Variants in MAP3K15 observed in about 807,000 individuals in gnomAD.
MAP3K15 encodes the protein MAPK/ERK kinase kinase 15.
A neutral mutation model predicts 99.5 loss-of-function variants in MAP3K15; 124 were observed. That is an observed-to-expected ratio of 1.25 (90% CI 1.08 to 1.45). The LOEUF is 1.45. Ranked by LOEUF, MAP3K15 falls within the 40% of genes most tolerant of loss-of-function variation. The pLI is 0.00. For synonymous variants in MAP3K15, 494 were observed against 439.6 expected, an observed-to-expected ratio of 1.12 and a Z score of -1.55; for missense variants, 1,242 against 1,079.7, an observed-to-expected ratio of 1.15 and a Z score of -2.11.
chrX:19,387,426 G>A (rs1014590748), intron 18 of MAP3K15, among the ~76,000 whole-genome samples: 6 of 111,703 alleles, frequency 5.4e-5, no homozygotes, highest in Middle Eastern at 4.6e-3. Context: ...TCATTCTGTC[G>A]CCCAGGCTGG....
In MAP3K15 at chrX:19,477,116, T is replaced by A. The variant is rs773977165; in HGVS notation, c.525+9366A>T. 3.6e-5 allele frequency among the ~76,000 whole-genome samples: 4 copies of A among 111,874 alleles called. No individual in the cohort carries two copies. In the South Asian group the frequency reaches 1.1e-3, roughly 31 times the overall value. On this transcript the variant is annotated intron_variant, in intron 3 of 28. Coordinates refer to ENST00000338883, the MANE Select transcript of MAP3K15 (RefSeq NM_001001671.4). ...TATGGTCTGTGAATTATGTCTCGAT[T>A]TAAAGAAAATAGATGGGTGCCATGG... is the stretch of plus-strand genomic sequence containing the variant.
chrX:19,424,283 CAT>C (rs1246701487), intron 9 of MAP3K15, among the ~76,000 whole-genome samples: 3 of 94,834 alleles, frequency 3.2e-5, no homozygotes, highest in Admixed American at 1.2e-4. Context: ...TATATACACA[CAT>C]ATATATACAC....
chrX:19,457,598 C>G (rs184675496), intron 5 of MAP3K15, among the ~76,000 whole-genome samples: 121 of 111,845 alleles, frequency 1.1e-3, no homozygotes, highest in Non-Finnish European at 2.1e-3. Context: ...GGCAACAGAG[C>G]AAGACTCCGT....
At position 19,515,001 on chromosome X, in the gene MAP3K15, C is replaced by T; in HGVS notation, c.261G>A (p.Leu87=). 1.8e-6 allele frequency: 2 copies of T among 1,109,227 alleles called. No individual in the cohort carries two copies. Among genetic ancestry groups the T allele is most frequent in the Non-Finnish European group, 2.4e-6 (2 of 849,442 alleles). The allele number at this position is 1,109,227 out of a possible 1,213,427, so 91.4% of individuals were successfully genotyped here. A position where few individuals can be genotyped will look rare whatever the true frequency, so the allele number is the denominator to read the frequency against. ...CGCCCTCGGCCTCGCAGGCCCGCAG[C>T]AGGCACTGCCGCGCCCCAGCCTCCG... ...GGPEAGARQC[L]LRACEAEGAH... is the part of the protein sequence containing the mutation. Residue 87 remains leucine, a synonymous_variant, in exon 1 of 29, where the codon CTG becomes CTA. Coordinates refer to ENST00000338883, the MANE Select transcript of MAP3K15 (RefSeq NM_001001671.4).
intron 1 of MAP3K15, among the ~76,000 whole-genome samples, chrX:19,500,566 T>A (rs1335034096): frequency 1.8e-5 from 2 of 110,944 alleles, no homozygotes; most frequent in African/African-American, 6.6e-5. Context: ...AACTCCCTTC[T>A]GCTCCCCAAC....
intron 5 of MAP3K15, among the ~76,000 whole-genome samples, chrX:19,458,059 G>C (rs1350585392): frequency 8.9e-6 from 1 of 112,276 alleles, no homozygotes; most frequent in African/African-American, 3.2e-5. Context: ...TACTCTTTCA[G>C]CCAGGCTTAG....
intron 1 of MAP3K15, among the ~76,000 whole-genome samples, chrX:19,490,084 A>G (rs1166619252): frequency 9.4e-6 from 1 of 106,601 alleles, no homozygotes; most frequent in Non-Finnish European, 1.9e-5. Flanking sequence ...CCCAGGCATT[A>G]TGTTACAGCA....
intron 3 of MAP3K15, chrX:19,482,165 G>C (rs1239513041): frequency 1.2e-5 from 1 of 82,041 alleles, no homozygotes; most frequent in African/African-American, 6.9e-5. Context: ...GGGCGACAGA[G>C]TGAGATTCCA....
chrX:19,459,902 G>T, intron 5 of MAP3K15, 83 bp downstream of exon 5: 1 of 729,116 alleles, frequency 1.4e-6, no homozygotes, highest in Non-Finnish European at 1.9e-6. Context: ...ACCACATACT[G>T]AGTATACAAA....
intron 15 of MAP3K15, 146 bp from the exon 16 acceptor site, chrX:19,395,354 T>G: frequency 3.6e-6 from 2 of 561,422 alleles, no homozygotes; most frequent in Non-Finnish European, 2.8e-6. Flanking sequence ...ACTATTCAAC[T>G]TCCCATCTGT....
In MAP3K15 at chrX:19,372,765, T is replaced by C. The variant is rs2063385419; in HGVS notation, c.2996A>G (p.Asp999Gly). 2 of 1,211,558 alleles carry C rather than the reference T, an allele frequency of 1.7e-6. No homozygotes were observed. The highest frequency in any genetic ancestry group is 2.2e-5 in the Admixed American group (1 of 46,034). The change falls in exon 22 of 29, where the codon GAC (aspartate) becomes GGC (glycine). Residue 999 changes from aspartate (D) to glycine (G), a missense_variant. Asp to Gly is a moderately conservative substitution (Grantham distance 94). Coordinates refer to ENST00000338883, the MANE Select transcript of MAP3K15 (RefSeq NM_001001671.4). Reference sequence around the variant, plus strand: ...CTTGCGTAGCAGGAAGAGGCCCTGGTCCCTGTCCTCCGGGGACGAGGCCAA... The same window carrying C: ...CTTGCGTAGCAGGAAGAGGCCCTGGCCCCTGTCCTCCGGGGACGAGGCCAA... ...RGLASSPEDR[D>G]QGLFLLRKDS...
intron 9 of MAP3K15, among the ~76,000 whole-genome samples, chrX:19,416,658 C>A (rs2063738409): frequency 8.9e-6 from 1 of 111,841 alleles, no homozygotes. Flanking sequence ...TGAAGCCAGC[C>A]TAAAAATCGT....
At chrX:19,488,456 G>A (rs981888863) in intron 2 of MAP3K15, among the ~76,000 whole-genome samples, 1 of 111,914 alleles carries the variant, frequency 8.9e-6, no homozygotes, top group Admixed American at 9.5e-5. Flanking sequence ...ATTTTTATGT[G>A]TAGGTTTGGA....
intron 4 of MAP3K15, among the ~76,000 whole-genome samples, chrX:19,463,797 A>T (rs1015659611): frequency 1.8e-5 from 2 of 111,319 alleles, no homozygotes; most frequent in Non-Finnish European, 3.8e-5. Flanking sequence ...TAAGGTCAGA[A>T]TGACCTTGCT....
intron 13 of MAP3K15, among the ~76,000 whole-genome samples, chrX:19,406,794 C>T (rs1212692509): frequency 8.9e-6 from 1 of 112,714 alleles, no homozygotes; most frequent in Non-Finnish European, 1.9e-5. Context: ...CTCCACTTCC[C>T]GGGTTCAAGT....
intron 25 of MAP3K15, among the ~76,000 whole-genome samples, chrX:19,363,368 T>C (rs865957948): frequency 3.6e-5 from 4 of 112,311 alleles, no homozygotes; most frequent in Non-Finnish European, 5.6e-5. Context: ...ACTTCGAGTC[T>C]CCAGAACTGT....
chrX:19,463,616 T>C (rs187147217), intron 4 of MAP3K15, among the ~76,000 whole-genome samples: 1 of 112,178 alleles, frequency 8.9e-6, no homozygotes, highest in East Asian at 2.8e-4. Context: ...GAGCTGACTA[T>C]TTCAGTGCTA....
chrX:19,392,233 T>C (rs2063532926), intron 17 of MAP3K15, 110 bp downstream of exon 17: 1 of 1,047,863 alleles, frequency 9.5e-7, no homozygotes, highest in Non-Finnish European at 1.3e-6. Context: ...TTGGGGACGG[T>C]TGTGCTAAAT....
In MAP3K15 at chrX:19,429,879, AAATG is replaced by A. The variant is rs747730066; in HGVS notation, c.1166+1555_1166+1558del. On this transcript the variant is annotated intron_variant, in intron 7 of 28. Transcript: ENST00000338883. Reference sequence around the variant, plus strand: ...GCAATGTCAAGAGCTCTTATGATGGAAATGAATGATGTGGGCCTGTTGGTTCCAC... The same window carrying A: ...GCAATGTCAAGAGCTCTTATGATGGAAATGATGTGGGCCTGTTGGTTCCAC... Among the ~76,000 whole-genome samples, 697 of 108,564 alleles carry A rather than the reference AAATG, an allele frequency of 6.4e-3. 4 individuals are homozygous for A. Among genetic ancestry groups the A allele is most frequent in the Middle Eastern group, 0.019 (4 of 206 alleles). 94.3% of individuals were successfully genotyped at this position (108,564 alleles called of 115,157 possible). A position where few individuals can be genotyped will look rare whatever the true frequency, so the allele number is the denominator to read the frequency against.
Sources: allele counts gnomAD v4.1 joint callset (sites outside exome capture counted in the v4.1 genomes callset), GRCh38; gene constraint gnomAD v4.1.1; transcripts MANE v1.5; gene names NCBI Gene and HGNC (gene_info 2026-07-23, HGNC 2026-07-21).